Variants in CRYL1 observed in about 807,000 individuals in gnomAD.
CRYL1 encodes lambda-crystallin homolog.
In CRYL1, 29 loss-of-function variants were observed where a neutral mutation model predicts 36.6. The observed-to-expected ratio is 0.79, with a 90% CI of 0.59 to 1.08. The LOEUF is 1.08. Ranked by LOEUF, CRYL1 falls within the 50% of genes least tolerant of loss-of-function variation. The probability of loss-of-function intolerance (pLI) is 0.00; values close to 1 mark genes in which losing one functional copy is unlikely to be tolerated. For missense variants in CRYL1, 411 were observed against 407.9 expected (o/e 1.01, Z -0.06); for synonymous variants, 152 against 151.5 (o/e 1.00, Z -0.02).
At chr13:20,416,817 C>A (rs8000139) in intron 5 of CRYL1, among the ~76,000 whole-genome samples, 3,515 of 152,250 alleles carry the variant, frequency 0.023, 155 homozygotes, top group African/African-American at 0.081. Flanking sequence ...CCCTAACTAA[C>A]GCCTGAGAAG....
At chr13:20,452,257 G>T (rs1184714664) in intron 3 of CRYL1, among the ~76,000 whole-genome samples, 1 of 99,288 alleles carries the variant, frequency 1.0e-5, no homozygotes, top group African/African-American at 3.5e-5. Flanking sequence ...AAAAAAAAAA[G>T]CAAAACCCAA....
At chr13:20,460,594 C>T (rs906488626) in intron 3 of CRYL1, among the ~76,000 whole-genome samples, 4 of 137,430 alleles carry the variant, frequency 2.9e-5, no homozygotes, top group South Asian at 2.3e-4. Flanking sequence ...GGCGCTATCT[C>T]GGCTCACTGC....
At chr13:20,426,156 G>A (rs1357935842) in intron 5 of CRYL1, among the ~76,000 whole-genome samples, 1 of 152,154 alleles carries the variant, frequency 6.6e-6, no homozygotes, top group East Asian at 1.9e-4. Context: ...CCCAAGCGGG[G>A]CAGGTCTGGC....
intron 5 of CRYL1, among the ~76,000 whole-genome samples, chr13:20,414,910 G>C (rs1298761249): frequency 2.0e-5 from 3 of 152,226 alleles, no homozygotes; most frequent in Non-Finnish European, 4.4e-5. Context: ...ACGCCTTCAC[G>C]GCTCAGACAG....
Position 20,474,240 on chromosome 13 carries a change from T to C in CRYL1, c.276+15130A>G, listed in dbSNP as rs905365419. Among the ~76,000 whole-genome samples the C allele has an allele frequency of 3.9e-5, 6 of 152,220 alleles. No individual in the cohort carries two copies. The East Asian group carries it at 5.8e-4, about 15-fold the overall frequency. The stretch of plus-strand genomic sequence containing the variant: ...TAATTTCCTCCACTTTCAGCCATCA[T>C]AGTGGCCTTTAAAGGGCTCACTAGG... On this transcript the variant is annotated intron_variant, in intron 3 of 7. Coordinates refer to ENST00000298248, the MANE Select transcript of CRYL1 (RefSeq NM_015974.3).
intron 2 of CRYL1, among the ~76,000 whole-genome samples, chr13:20,493,347 T>A (rs1168531143): frequency 6.6e-6 from 1 of 152,192 alleles, no homozygotes; most frequent in Non-Finnish European, 1.5e-5. Flanking sequence ...CTGAGCCCTA[T>A]AGCGACAGGG....
chr13:20,430,162 C>T, intron 5 of CRYL1: 1 of 982,692 alleles, frequency 1.0e-6, no homozygotes, highest in Admixed American at 6.1e-5. Context: ...TGCCTTGGGC[C>T]CCACTACCTG....
chr13:20,507,721 A>C (rs948450928), intron 2 of CRYL1, among the ~76,000 whole-genome samples: 1 of 152,012 alleles, frequency 6.6e-6, no homozygotes, highest in Non-Finnish European at 1.5e-5. Flanking sequence ...GATCGAGACC[A>C]TCCTGGCTAA....
Position 20,413,378 on chromosome 13 carries a change from C to G in CRYL1, c.643G>C (p.Val215Leu). 1.2e-6 allele frequency: 2 copies of G among 1,609,252 alleles called. No individual in the cohort carries two copies. Among genetic ancestry groups the G allele is most frequent in the Non-Finnish European group, 1.7e-6 (2 of 1,176,660 alleles). ...ACAAGGTCCAGGTCACTAGGAGACA[C>G]GATTCCTTCCTACGTGGAGAAATTG... ...EAWRLVEEGI[V>L]SPSDLDLVMS... Residue 215 changes from valine (V) to leucine (L), a missense_variant, in exon 6 of 8, where the codon GTG (valine) becomes CTG (leucine). Physicochemically the swap from Val to Leu is conservative, Grantham distance 32. Coordinates refer to ENST00000298248, the MANE Select transcript of CRYL1 (RefSeq NM_015974.3).
intron 2 of CRYL1, among the ~76,000 whole-genome samples, chr13:20,506,053 T>A (rs1770058118): frequency 6.6e-6 from 1 of 152,196 alleles, no homozygotes. Flanking sequence ...GATCTTGCGA[T>A]GTAAGAAAGA....
intron 3 of CRYL1, among the ~76,000 whole-genome samples, chr13:20,464,007 A>G (rs546187084): frequency 1.5e-4 from 23 of 152,172 alleles, no homozygotes; most frequent in Non-Finnish European, 2.5e-4. Context: ...GGCTGTGTCA[A>G]TTGTGCCCAT....
chr13:20,521,102 C>CAAA (rs55882188), intron 1 of CRYL1, among the ~76,000 whole-genome samples: 5 of 75,528 alleles, frequency 6.6e-5, no homozygotes, highest in African/African-American at 2.7e-4. Flanking sequence ...GACTCCGTCT[C>CAAA]AAAAAAAAAA....
At chr13:20,516,251 T>A (rs1482159587) in intron 1 of CRYL1, among the ~76,000 whole-genome samples, 1 of 149,524 alleles carries the variant, frequency 6.7e-6, no homozygotes, top group African/African-American at 2.5e-5. Context: ...ATGCTAAATG[T>A]GGTTTAAAAG....
intron 3 of CRYL1, among the ~76,000 whole-genome samples, chr13:20,449,367 A>G (rs929565642): frequency 6.6e-6 from 1 of 152,236 alleles, no homozygotes; most frequent in Non-Finnish European, 1.5e-5. Flanking sequence ...TATGCTTTAA[A>G]TCCTATGGTT....
In CRYL1 at chr13:20,413,524, G is replaced by A. The variant is rs116131020; in HGVS notation, c.634-137C>T. 3,033 of 579,570 alleles carry A rather than the reference G, an allele frequency of 5.2e-3. 93 individuals are homozygous for A. In the African/African-American group the frequency reaches 0.052, roughly 10 times the overall value. 35.9% of individuals were successfully genotyped at this position (579,570 alleles called of 1,614,324 possible). On this transcript the variant is annotated intron_variant, in intron 5 of 7. Coordinates refer to ENST00000298248, the MANE Select transcript of CRYL1 (RefSeq NM_015974.3). ...CTATACAGGGTGAGTACCACTTACC[G>A]AATATGCTTATGACCAGACATGTTT...
intron 1 of CRYL1, among the ~76,000 whole-genome samples, chr13:20,514,953 T>C (rs2033975805): frequency 6.6e-6 from 1 of 152,160 alleles, no homozygotes; most frequent in African/African-American, 2.4e-5. Flanking sequence ...GCATTATTCA[T>C]AACAGCTAAA....
At chr13:20,493,167 C>T (rs924119622) in intron 2 of CRYL1, among the ~76,000 whole-genome samples, 2 of 152,258 alleles carry the variant, frequency 1.3e-5, no homozygotes, top group African/African-American at 4.8e-5. Context: ...CTGTCAAGCA[C>T]CCCTTGGAAC....
At chr13:20,487,619 A>G (rs2033426162) in intron 3 of CRYL1, among the ~76,000 whole-genome samples, 1 of 152,160 alleles carries the variant, frequency 6.6e-6, no homozygotes, top group African/African-American at 2.4e-5. Context: ...CTTTCCTTAA[A>G]AACTAAACTC....
At chr13:20,439,144 TGAGTA>T (rs2032295796) in intron 4 of CRYL1, among the ~76,000 whole-genome samples, 1 of 152,160 alleles carries the variant, frequency 6.6e-6, no homozygotes, top group African/African-American at 2.4e-5. Flanking sequence ...TGAATTGTGT[TGAGTA>T]AACTACACAG....
Sources: allele counts gnomAD v4.1 joint callset (sites outside exome capture counted in the v4.1 genomes callset), GRCh38; gene constraint gnomAD v4.1.1; transcripts MANE v1.5; gene names NCBI Gene and HGNC (gene_info 2026-07-23, HGNC 2026-07-21).